PHLDB2: variants seen among roughly 807,000 people sequenced by gnomAD.
The protein encoded by PHLDB2 is pleckstrin homology like domain family B member 2, also known as pleckstrin homology-like domain family B member 2.
Under a neutral mutation model 123.6 loss-of-function variants are expected in PHLDB2, and 71 were observed. The ratio of observed to expected loss-of-function variants is 0.57; its 90% CI spans 0.47 to 0.70. The LOEUF is 0.70. Ranked by LOEUF, PHLDB2 falls within the 30% of genes least tolerant of loss-of-function variation. The pLI is 0.00. For synonymous variants in PHLDB2, 547 were observed against 541.6 expected (o/e 1.01, Z -0.14); for missense variants, 1,446 against 1,519.5 (o/e 0.95, Z 0.80).
At chr3:111,892,904 C>T (rs960771454) in intron 2 of PHLDB2, among the ~76,000 whole-genome samples, 2 of 152,102 alleles carry the variant, frequency 1.3e-5, no homozygotes, top group South Asian at 2.1e-4. Flanking sequence ...ATCTCTGAAA[C>T]GTGGTCAGAT....
chr3:111,813,331 AT>A (rs1273484208), intron 1 of PHLDB2, among the ~76,000 whole-genome samples: 1 of 152,172 alleles, frequency 6.6e-6, no homozygotes, highest in East Asian at 1.9e-4. Flanking sequence ...TGTACAATAT[AT>A]TTTGGAGGCT....
intron 1 of PHLDB2, among the ~76,000 whole-genome samples, chr3:111,823,731 G>T (rs4411858): frequency 0.17 from 25,553 of 151,996 alleles, 3,047 homozygotes; most frequent in East Asian, 0.32. Context: ...CAAATAACTT[G>T]GTCATTATAT....
intron 1 of PHLDB2, among the ~76,000 whole-genome samples, chr3:111,844,470 A>C (rs150461706): frequency 3.7e-3 from 569 of 152,238 alleles, no homozygotes; most frequent in African/African-American, 0.013. Flanking sequence ...CCCTGTACAC[A>C]CCTTCTAGAA....
intron 1 of PHLDB2, among the ~76,000 whole-genome samples, chr3:111,829,716 C>T (rs2062844241): frequency 1.3e-5 from 2 of 152,064 alleles, no homozygotes; most frequent in South Asian, 4.1e-4. Context: ...CCCGCCTTGG[C>T]CTCCCAAAGT....
upstream of PHLDB2, among the ~76,000 whole-genome samples, chr3:111,855,499 C>CTT (rs1434479905): frequency 2.8e-4 from 16 of 57,842 alleles, no homozygotes; most frequent in South Asian, 3.9e-3. Context: ...TGCTTCCTTC[C>CTT]TTCTTTTCTT....
At chr3:111,894,017 G>A (rs1346483463) in intron 2 of PHLDB2, among the ~76,000 whole-genome samples, 25 of 144,032 alleles carry the variant, frequency 1.7e-4, no homozygotes, top group African/African-American at 4.9e-4. Context: ...CCACTAACTC[G>A]TCATCTAGCA....
chr3:111,938,952 T>G (rs1399324172), intron 6 of PHLDB2, among the ~76,000 whole-genome samples: 11 of 151,942 alleles, frequency 7.2e-5, no homozygotes, highest in Non-Finnish European at 1.5e-4. Flanking sequence ...GGACTACAGG[T>G]GCCCACCACC....
intron 1 of PHLDB2, among the ~76,000 whole-genome samples, chr3:111,755,364 C>T (rs1240584202): frequency 5.6e-5 from 8 of 141,734 alleles, no homozygotes; most frequent in Middle Eastern, 7.1e-3. Context: ...TCAACTTCTT[C>T]CTGGTTTAGT....
intron 9 of PHLDB2, among the ~76,000 whole-genome samples, chr3:111,947,236 C>T (rs2070371046): frequency 6.6e-6 from 1 of 152,138 alleles, no homozygotes; most frequent in Non-Finnish European, 1.5e-5. Context: ...GAAGTCTTTC[C>T]TTTTCTGTTA....
At chr3:111,851,062 G>T (rs958447819) in intron 2 of PHLDB2, among the ~76,000 whole-genome samples, 1 of 151,908 alleles carries the variant, frequency 6.6e-6, no homozygotes, top group Non-Finnish European at 1.5e-5. Flanking sequence ...GGGTGTGGTG[G>T]TGGTGACCTG....
At chr3:111,762,581 A>G (rs1273750540) in intron 1 of PHLDB2, among the ~76,000 whole-genome samples, 1 of 152,132 alleles carries the variant, frequency 6.6e-6, no homozygotes, top group Non-Finnish European at 1.5e-5. Context: ...CCTTCCACCC[A>G]GCCCTCCCAA....
chr3:111,840,763 T>G (rs2063651962), intron 1 of PHLDB2, among the ~76,000 whole-genome samples: 2 of 152,208 alleles, frequency 1.3e-5, no homozygotes, highest in Admixed American at 1.3e-4. Flanking sequence ...CAAAAGATTG[T>G]GTGAGAATAA....
chr3:111,971,800 G>A (rs1056476106), intron 16 of PHLDB2, among the ~76,000 whole-genome samples: 39 of 152,212 alleles, frequency 2.6e-4, no homozygotes, highest in Non-Finnish European at 1.5e-4. Flanking sequence ...CTGCAAATGT[G>A]AACACTGAGT....
At chr3:111,839,938 C>G (rs1452914280) in intron 1 of PHLDB2, among the ~76,000 whole-genome samples, 1 of 50,996 alleles carries the variant, frequency 2.0e-5, no homozygotes, top group Non-Finnish European at 4.2e-5. Context: ...CCCCCACCCC[C>G]GCTTTTTTTT....
At chr3:111,923,861 C>T (rs1445098496) in intron 5 of PHLDB2, among the ~76,000 whole-genome samples, 1 of 152,216 alleles carries the variant, frequency 6.6e-6, no homozygotes, top group Non-Finnish European at 1.5e-5. Context: ...TCTACTTCCA[C>T]TTGCTTTCCT....
intron 1 of PHLDB2, among the ~76,000 whole-genome samples, chr3:111,748,273 C>T (rs1360208366): frequency 1.3e-5 from 2 of 152,290 alleles, no homozygotes; most frequent in African/African-American, 4.8e-5. Context: ...GAGGCACCAA[C>T]CTTAATCTCT....
chr3:111,900,704 C>G (rs1240598299), intron 2 of PHLDB2, among the ~76,000 whole-genome samples: 1 of 152,114 alleles, frequency 6.6e-6, no homozygotes, highest in African/African-American at 2.4e-5. Flanking sequence ...GACGCAGAGA[C>G]ATGAAGTGAG....
At chr3:111,803,158 A>G (rs1248124341) in intron 1 of PHLDB2, among the ~76,000 whole-genome samples, 2 of 152,222 alleles carry the variant, frequency 1.3e-5, no homozygotes, top group East Asian at 3.8e-4. Flanking sequence ...GGCATCTGCT[A>G]CTTGGGAGCA....
chr3:111,777,383 A>G (rs1162115303), intron 1 of PHLDB2, among the ~76,000 whole-genome samples: 1 of 152,108 alleles, frequency 6.6e-6, no homozygotes, highest in East Asian at 1.9e-4. Context: ...TCATAAGATA[A>G]TCCAAAATAC....
Sources: gnomAD v4.1 joint callset for allele counts (sites outside exome capture counted in the v4.1 genomes callset) on GRCh38, gnomAD v4.1.1 for gene constraint, MANE v1.5 for transcripts, NCBI Gene and HGNC (gene_info 2026-07-23, HGNC 2026-07-21) for gene names.